Variants in COL23A1 observed in about 807,000 individuals in gnomAD.
COL23A1 encodes collagen alpha-1(XXIII) chain.
A neutral mutation model predicts 99.3 loss-of-function variants in COL23A1; 97 were observed. The ratio of observed to expected loss-of-function variants is 0.98; its 90% CI spans 0.83 to 1.16. The LOEUF (loss-of-function observed/expected upper bound fraction) is 1.16, where lower values mean the gene tolerates loss of function less well. Among genes scored for constraint, COL23A1 ranks in the 50% most tolerant of loss-of-function variants. The pLI is 0.00. For synonymous variants in COL23A1, 320 were observed against 308.2 expected, an observed-to-expected ratio of 1.04 and a Z score of -0.40; for missense variants, 762 against 757.4, an observed-to-expected ratio of 1.01 and a Z score of -0.07.
intron 2 of COL23A1, among the ~76,000 whole-genome samples, chr5:178,443,872 CAT>C (rs1229536289): frequency 5.9e-5 from 9 of 151,990 alleles, no homozygotes; most frequent in Admixed American, 2.0e-4. Flanking sequence ...TGTCATCTAA[CAT>C]ATGGCCACTT....
At chr5:178,448,165 T>C (rs1767273474) in intron 2 of COL23A1, among the ~76,000 whole-genome samples, 1 of 145,800 alleles carries the variant, frequency 6.9e-6, no homozygotes, top group African/African-American at 2.5e-5. Context: ...CTGTTAGTGC[T>C]AGTCGCAGTC....
intron 2 of COL23A1, among the ~76,000 whole-genome samples, chr5:178,416,649 T>C (rs751656031): frequency 4.6e-5 from 7 of 152,196 alleles, no homozygotes; most frequent in Non-Finnish European, 8.8e-5. Flanking sequence ...ACTTAATCGT[T>C]TCAAGCCGGT....
intron 11 of COL23A1, 48 bp from the exon 12 acceptor site, chr5:178,259,795 G>A: frequency 6.4e-7 from 1 of 1,553,776 alleles, no homozygotes; most frequent in Non-Finnish European, 8.8e-7. Flanking sequence ...AACCATAGGA[G>A]AGTGGCCCGG....
chr5:178,416,254 A>G lies in COL23A1; in HGVS notation c.362-109335T>C, dbSNP rs569714942. ...ACCAACTAGTTGCCAGGGACCCAAT[A>G]TAGACAAGAGATGAGCATCCGGGTT... On this transcript the variant is annotated intron_variant, in intron 2 of 28. Coordinates refer to ENST00000390654, the MANE Select transcript of COL23A1 (RefSeq NM_173465.4). Among the ~76,000 whole-genome samples, 3 of 152,350 alleles carry G rather than the reference A, an allele frequency of 2.0e-5. No individual in the cohort carries two copies. In the South Asian group the frequency reaches 6.2e-4, roughly 32 times the overall value.
At chr5:178,585,388 C>T (rs972696688) in intron 1 of COL23A1, among the ~76,000 whole-genome samples, 7 of 149,130 alleles carry the variant, frequency 4.7e-5, no homozygotes, top group African/African-American at 1.8e-4. Flanking sequence ...GGTAACACTC[C>T]GCGGCCCTGA....
intron 3 of COL23A1, among the ~76,000 whole-genome samples, chr5:178,298,323 A>G (rs1027896189): frequency 6.6e-6 from 1 of 152,190 alleles, no homozygotes; most frequent in Non-Finnish European, 1.5e-5. Context: ...GTTACCAGGT[A>G]AGCAGAGGTG....
chr5:178,545,197 C>T (rs1018856692), intron 2 of COL23A1, among the ~76,000 whole-genome samples: 1 of 152,170 alleles, frequency 6.6e-6, no homozygotes, highest in Admixed American at 6.5e-5. Flanking sequence ...GCGGGTGCCC[C>T]TCATGGGTGG....
At chr5:178,467,859 G>A (rs1353694314) in intron 2 of COL23A1, among the ~76,000 whole-genome samples, 3 of 152,172 alleles carry the variant, frequency 2.0e-5, no homozygotes, top group Non-Finnish European at 2.9e-5. Flanking sequence ...AATTATAAGC[G>A]GATACTGCAG....
Position 178,357,776 on chromosome 5 carries a change from GTA to G in COL23A1, c.362-50859_362-50858del, listed in dbSNP as rs200716515. Among the ~76,000 whole-genome samples, 292 of 144,368 alleles carry G rather than the reference GTA, an allele frequency of 2.0e-3. 3 individuals carry two copies. Among genetic ancestry groups the G allele is most frequent in the Middle Eastern group, 0.011 (3 of 272 alleles). The allele number at this position is 144,368 out of a possible 152,430, so 94.7% of individuals were successfully genotyped here. A position where few individuals can be genotyped will look rare whatever the true frequency, so the allele number is the denominator to read the frequency against. ...TGTGTGTGTACGTGTATGTATGTGT[GTA>G]TGTGTATGTGTGTGTGTATGTGTGT... On this transcript the variant is annotated intron_variant, in intron 2 of 28. Coordinates refer to ENST00000390654, the MANE Select transcript of COL23A1 (RefSeq NM_173465.4).
Position 178,267,321 on chromosome 5 carries a change from C to A in COL23A1, c.508G>T (p.Asp170Tyr), listed in dbSNP as rs1295731966. The change falls in exon 8 of 29, where the codon GAC becomes TAC. Residue 170 changes from aspartate to tyrosine, a missense_variant. Coordinates refer to ENST00000390654, the MANE Select transcript of COL23A1 (RefSeq NM_173465.4). ...CTGGTTCTTACCCGGGGGCCAAAGT[C>A]TCCTGGTGCACCCTGGGAACAAAAG... is the stretch of plus-strand genomic sequence containing the variant. ...GPKGEKGAPG[D>Y]FGPRGDQGQD... is the part of the protein sequence containing the mutation. 2 of 1,614,092 alleles carry A rather than the reference C, an allele frequency of 1.2e-6. No individual in the cohort carries two copies. The highest frequency in any genetic ancestry group is 8.5e-7 in the Non-Finnish European group (1 of 1,180,002).
rs562787730 is a variant in COL23A1 at position 178,419,575 on chromosome 5, C to G, written c.362-112656G>C. The stretch of plus-strand genomic sequence containing the variant: ...GGGCAGTGGGTTGCAGACTGGGCAT[C>G]CCTATGCCTCCCCATGTGCTGGCCC... On this transcript the variant is annotated intron_variant, in intron 2 of 28. Transcript: ENST00000390654. Among the ~76,000 whole-genome samples, 7 of 152,332 alleles carry G rather than the reference C, an allele frequency of 4.6e-5. No individual in the cohort carries two copies. The East Asian group carries it at 9.6e-4, about 21-fold the overall frequency.
At chr5:178,523,257 CAGAGAGAG>C (rs70997610) in intron 2 of COL23A1, among the ~76,000 whole-genome samples, 4 of 108,354 alleles carry the variant, frequency 3.7e-5, no homozygotes, top group Non-Finnish European at 5.7e-5. Flanking sequence ...GAGAGAGAGA[CAGAGAGAG>C]AGAGAGAGAG....
At chr5:178,298,687 C>G (rs1307823364) in intron 3 of COL23A1, among the ~76,000 whole-genome samples, 2 of 152,184 alleles carry the variant, frequency 1.3e-5, no homozygotes, top group African/African-American at 2.4e-5. Context: ...CACCCTGGCT[C>G]CCAGCTCTCA....
At chr5:178,358,222 TAA>T (rs1761875108) in intron 2 of COL23A1, among the ~76,000 whole-genome samples, 2 of 88,140 alleles carry the variant, frequency 2.3e-5, no homozygotes, top group Middle Eastern at 5.7e-3. Flanking sequence ...TATGTGTGTC[TAA>T]TGTGTGTATG....
intron 2 of COL23A1, among the ~76,000 whole-genome samples, chr5:178,358,341 G>A (rs1561897364): frequency 6.8e-6 from 1 of 147,248 alleles, no homozygotes; most frequent in East Asian, 2.1e-4. Context: ...TATGTCTAAT[G>A]TGTGTATTGT....
At chr5:178,257,372 G>T in intron 13 of COL23A1, 151 bp downstream of exon 13, 2 of 844,816 alleles carry the variant, frequency 2.4e-6, no homozygotes, top group Non-Finnish European at 3.9e-6. Context: ...GTGTGGTGGG[G>T]CCGCGGCCTT....
intron 2 of COL23A1, among the ~76,000 whole-genome samples, chr5:178,311,479 T>C (rs1361369222): frequency 7.3e-6 from 1 of 137,762 alleles, no homozygotes; most frequent in East Asian, 2.0e-4. Flanking sequence ...AGTGGGTTCT[T>C]TCCTCTGTGT....
intron 2 of COL23A1, among the ~76,000 whole-genome samples, chr5:178,438,472 G>A (rs1227413093): frequency 6.6e-6 from 1 of 152,204 alleles, no homozygotes; most frequent in Non-Finnish European, 1.5e-5. Context: ...TAGGAACGCA[G>A]TTCATCCCTG....
chr5:178,565,293 C>T (rs1162114470), intron 1 of COL23A1, among the ~76,000 whole-genome samples: 1 of 152,146 alleles, frequency 6.6e-6, no homozygotes, highest in Non-Finnish European at 1.5e-5. Flanking sequence ...AATCCCCCCG[C>T]TGAGGGCAAT....
Sources: gnomAD v4.1 joint callset for allele counts (sites outside exome capture counted in the v4.1 genomes callset) on GRCh38, gnomAD v4.1.1 for gene constraint, MANE v1.5 for transcripts, NCBI Gene and HGNC (gene_info 2026-07-23, HGNC 2026-07-21) for gene names.